SINHCAF: variants seen among roughly 807,000 people sequenced by gnomAD.
SINHCAF encodes SIN3-HDAC complex-associated factor.
A neutral mutation model predicts 25.8 loss-of-function variants in SINHCAF; 3 were observed. That is an observed-to-expected ratio of 0.12 (90% CI 0.05 to 0.30). SINHCAF has a LOEUF of 0.30. Ranked by LOEUF, SINHCAF falls within the 10% of genes least tolerant of loss-of-function variation. The pLI is 1.00. For synonymous variants in SINHCAF, 70 were observed against 85.5 expected (o/e 0.82, Z 1.00); for missense variants, 121 against 262.3 (o/e 0.46, Z 3.72).
chr12:31,299,563 G>A lies in SINHCAF; in HGVS notation c.-20-1339C>T, dbSNP rs183924756. On this transcript the variant is annotated intron_variant, in intron 1 of 5. Transcript: ENST00000337682. ...GATCTCCTGACCTTGTGATCCACCCGTCTCGGCCTCCCAAAGTGCTGGGAT... is the reference window on the plus strand; with the variant it reads ...GATCTCCTGACCTTGTGATCCACCCATCTCGGCCTCCCAAAGTGCTGGGAT... Among the ~76,000 whole-genome samples the A allele has an allele frequency of 4.4e-3, 676 of 152,214 alleles. 6 individuals carry two copies. Among genetic ancestry groups the A allele is most frequent in the African/African-American group, 0.015 (643 of 41,542 alleles).
In SINHCAF at chr12:31,280,706, A is replaced by T. The variant is rs1364229136; in HGVS notation, c.*2006T>A. The T allele has an allele frequency of 6.6e-6, 1 of 152,564 alleles. No individual in the cohort carries two copies. The highest frequency in any genetic ancestry group is 1.5e-5 in the Non-Finnish European group (1 of 68,014). The allele number at this position is 152,564 out of a possible 1,614,324, so 9.5% of individuals were successfully genotyped here. A position where few individuals can be genotyped will look rare whatever the true frequency, so the allele number is the denominator to read the frequency against. On this transcript the variant is annotated 3_prime_UTR_variant, in exon 6 of 6. Coordinates refer to ENST00000337682, the MANE Select transcript of SINHCAF (RefSeq NM_001135812.2). Reference sequence around the variant, plus strand: ...TTTCTAATATATTAATACAAAGTGCATGACTACATACAGTACATCCTACAG... The same window carrying T: ...TTTCTAATATATTAATACAAAGTGCTTGACTACATACAGTACATCCTACAG...
intron 1 of SINHCAF, among the ~76,000 whole-genome samples, chr12:31,318,365 A>G (rs1939572458): frequency 1.3e-5 from 2 of 152,234 alleles, no homozygotes; most frequent in South Asian, 4.1e-4. Flanking sequence ...TCTGTCTAGA[A>G]TAAAACTGAG....
At chr12:31,298,340 G>T in intron 1 of SINHCAF, 116 bp from the exon 2 acceptor site, 1 of 1,202,468 alleles carries the variant, frequency 8.3e-7, no homozygotes, top group Non-Finnish European at 1.2e-6. Context: ...GACCAAGACA[G>T]GCAGGCAGCT....
At chr12:31,304,645 T>A (rs1229901887) in intron 1 of SINHCAF, 2 of 152,202 alleles carry the variant, frequency 1.3e-5, no homozygotes, top group African/African-American at 2.4e-5. Flanking sequence ...AGGGAACTGA[T>A]GTAAGTATAT....
At chr12:31,301,670 T>C (rs1451077381) in intron 1 of SINHCAF, among the ~76,000 whole-genome samples, 1 of 152,178 alleles carries the variant, frequency 6.6e-6, no homozygotes, top group Non-Finnish European at 1.5e-5. Context: ...GGTTGGTGTT[T>C]AACCATTTCA....
At chr12:31,301,151 G>T (rs1029063771) in intron 1 of SINHCAF, among the ~76,000 whole-genome samples, 1 of 152,164 alleles carries the variant, frequency 6.6e-6, no homozygotes. Flanking sequence ...GGATGTTAGG[G>T]TTATAGGTGA....
Position 31,324,058 on chromosome 12 carries a change from C to T in SINHCAF, c.-21+1966G>A, listed in dbSNP as rs976419636. On this transcript the variant is annotated intron_variant, in intron 1 of 5. Transcript: ENST00000337682. The surrounding 1 kb of genome is among the most constrained non-coding windows in gnomAD (Gnocchi z 5.5). ...TGTTGGTAAATAAGACATCTCGCGTCGGGAGGAAAGTTCCTGCGGGGGCCG... is the reference window on the plus strand; with the variant it reads ...TGTTGGTAAATAAGACATCTCGCGTTGGGAGGAAAGTTCCTGCGGGGGCCG... 41 of 454,224 alleles carry T rather than the reference C, an allele frequency of 9.0e-5. No homozygotes were observed. Among genetic ancestry groups the T allele is most frequent in the Admixed American group, 1.6e-4 (7 of 42,552 alleles). 28.1% of individuals were successfully genotyped at this position (454,224 alleles called of 1,614,324 possible).
At chr12:31,313,461 A>G (rs1939363331) in intron 1 of SINHCAF, among the ~76,000 whole-genome samples, 1 of 152,242 alleles carries the variant, frequency 6.6e-6, no homozygotes. Context: ...CTACAGCTTT[A>G]TAAGTCATAC....
At chr12:31,303,112 C>T (rs1411694154) in intron 1 of SINHCAF, 1 of 985,306 alleles carries the variant, frequency 1.0e-6, no homozygotes, top group Non-Finnish European at 1.2e-6. Context: ...TAAAACATGC[C>T]TATTTATGGG....
chr12:31,295,597 C>G (rs1325157518), intron 2 of SINHCAF, among the ~76,000 whole-genome samples: 2 of 150,796 alleles, frequency 1.3e-5, no homozygotes, highest in Non-Finnish European at 2.9e-5. Flanking sequence ...AGGCTGGGTG[C>G]GGTGGCTCAC....
Position 31,287,775 on chromosome 12 carries a change from G to A in SINHCAF, c.365C>T (p.Ala122Val). 1 of 1,584,628 alleles carries A rather than the reference G, an allele frequency of 6.3e-7. No homozygotes were observed. Among genetic ancestry groups the A allele is most frequent in the Non-Finnish European group, 8.6e-7 (1 of 1,164,610 alleles). ...GGAGGCACTTGAGGTGGTACTGTGA[G>A]CATCAGAATCTGCAATAAAGATTAA... ...QKEFKRHNSDAHSTTSSASPA... is the reference protein window; with the variant it reads ...QKEFKRHNSDVHSTTSSASPA... Residue 122 changes from alanine (A) to valine (V), a missense_variant, in exon 5 of 6, where the codon GCT becomes GTT. Ala to Val is a moderately conservative substitution (Grantham distance 64, BLOSUM62 0). Transcript: ENST00000337682.
In SINHCAF at chr12:31,290,642, G is replaced by A. The variant is rs550110526; in HGVS notation, c.356-2858C>T. 2.8e-4 allele frequency among the ~76,000 whole-genome samples: 43 copies of A among 152,262 alleles called. 2 individuals are homozygous for A. The South Asian group carries it at 7.9e-3, about 28-fold the overall frequency. ...TCAACAGACACCTCTATGCTGCTGA[G>A]GAAAACTCACTCTCCTAGGAAGTGC... On this transcript the variant is annotated intron_variant, in intron 4 of 5. Transcript: ENST00000337682.
At chr12:31,292,775 A>C (rs1257721059) in intron 4 of SINHCAF, among the ~76,000 whole-genome samples, 1 of 152,198 alleles carries the variant, frequency 6.6e-6, no homozygotes, top group African/African-American at 2.4e-5. Context: ...AATGCTCAAA[A>C]AATGTTGAGT....
intron 1 of SINHCAF, among the ~76,000 whole-genome samples, chr12:31,312,356 TTGTG>T (rs369449635): frequency 4.7e-5 from 7 of 149,614 alleles, no homozygotes; most frequent in Non-Finnish European, 9.0e-5. Context: ...TTTACGTATT[TTGTG>T]TGTGTGTGTG....
intron 1 of SINHCAF, among the ~76,000 whole-genome samples, chr12:31,307,053 T>A (rs1219056477): frequency 6.6e-6 from 1 of 152,066 alleles, no homozygotes; most frequent in Non-Finnish European, 1.5e-5. Flanking sequence ...GGGTAAAAAG[T>A]TGGGTGTGTC....
chr12:31,283,623 G>T (rs1231680615), intron 5 of SINHCAF, among the ~76,000 whole-genome samples: 1 of 151,800 alleles, frequency 6.6e-6, no homozygotes, highest in Non-Finnish European at 1.5e-5. Flanking sequence ...AAAAAAGGGT[G>T]TGTGTTAGCA....
intron 1 of SINHCAF, among the ~76,000 whole-genome samples, chr12:31,306,735 G>T (rs760182818): frequency 1.3e-4 from 20 of 152,170 alleles, no homozygotes; most frequent in Non-Finnish European, 1.5e-5. Context: ...TCCAAGACTA[G>T]TCCATTTTTT....
At chr12:31,312,353 ATT>A (rs1491273722) in intron 1 of SINHCAF, among the ~76,000 whole-genome samples, 2 of 150,982 alleles carry the variant, frequency 1.3e-5, no homozygotes, top group African/African-American at 4.8e-5. Flanking sequence ...TGTTTTACGT[ATT>A]TTGTGTGTGT....
chr12:31,291,042 A>C (rs781489985), intron 4 of SINHCAF, among the ~76,000 whole-genome samples: 1 of 152,086 alleles, frequency 6.6e-6, no homozygotes, highest in Non-Finnish European at 1.5e-5. Context: ...TAAGTCTTAA[A>C]AATTACGTAG....
Sources: allele counts gnomAD v4.1 joint callset (sites outside exome capture counted in the v4.1 genomes callset), GRCh38; gene constraint gnomAD v4.1.1; non-coding constraint Gnocchi (gnomAD v3.1); transcripts MANE v1.5; gene names NCBI Gene and HGNC (gene_info 2026-07-23, HGNC 2026-07-21).